The following CHST11 variants were observed in gnomAD, a reference collection of about 807,000 sequenced individuals.
The protein encoded by CHST11 is C4S-1.
In CHST11, 9 loss-of-function variants were observed where a neutral mutation model predicts 30.4. That is an observed-to-expected ratio of 0.30 (90% CI 0.18 to 0.52). The LOEUF (loss-of-function observed/expected upper bound fraction) is 0.52, where lower values mean the gene tolerates loss of function less well. CHST11 is among the 20% of genes least tolerant of loss of function. The pLI is 0.97. For synonymous variants in CHST11, 152 were observed against 187.8 expected, an observed-to-expected ratio of 0.81 and a Z score of 1.56; for missense variants, 348 against 460.6, an observed-to-expected ratio of 0.76 and a Z score of 2.24.
At position 104,757,241 on chromosome 12, in the gene CHST11, A is replaced by T. The variant is rs1210277340; in HGVS notation, c.497A>T (p.Gln166Leu). 2.5e-6 allele frequency: 4 copies of T among 1,614,036 alleles called. No homozygotes were observed. In the African/African-American group the frequency reaches 4.0e-5, roughly 16 times the overall value. ...TCCGCCAACCTGAAGACCCTGAACC[A>T]GTACAGCATCCCAGAAATCAACCAC... is the stretch of plus-strand genomic sequence containing the variant. ...HVSANLKTLN[Q>L]YSIPEINHRL... Residue 166 changes from glutamine (Q) to leucine (L), a missense_variant, in exon 3 of 3, where the codon CAG becomes CTG. Transcript: ENST00000303694. The surrounding 1 kb of genome is among the most constrained non-coding windows in gnomAD (Gnocchi z 6.5).
intron 2 of CHST11, among the ~76,000 whole-genome samples, chr12:104,637,349 G>T (rs917620689): frequency 9.1e-6 from 1 of 110,236 alleles, no homozygotes; most frequent in Middle Eastern, 4.8e-3. Context: ...GGTTGGGGGA[G>T]GGGGGAGGGA....
chr12:104,757,472 A>G lies in CHST11; in HGVS notation c.728A>G (p.Tyr243Cys). ...DDVKFEEFVA[Y>C]LIDPHTQREE... Reference sequence around the variant, plus strand: ...GTCAAATTCGAGGAGTTTGTGGCCTATCTCATCGACCCACACACCCAGCGG... The same window carrying G: ...GTCAAATTCGAGGAGTTTGTGGCCTGTCTCATCGACCCACACACCCAGCGG... The change falls in exon 3 of 3, where the codon TAT (tyrosine) becomes TGT (cysteine). Residue 243 changes from tyrosine (Y) to cysteine (C), a missense_variant. By Grantham distance (194) the Tyr-to-Cys change is radical. Coordinates refer to ENST00000303694, the MANE Select transcript of CHST11 (RefSeq NM_018413.6). This position sits in a 1 kb window ranked among gnomAD's most constrained non-coding sequence, Gnocchi z 6.5. 2 of 1,614,064 alleles carry G rather than the reference A, an allele frequency of 1.2e-6. No homozygotes were observed. The highest frequency in any genetic ancestry group is 1.3e-5 in the African/African-American group (1 of 74,988).
chr12:104,669,007 T>G (rs1592828288), intron 2 of CHST11, among the ~76,000 whole-genome samples: 1 of 152,150 alleles, frequency 6.6e-6, no homozygotes, highest in East Asian at 1.9e-4. Flanking sequence ...AGAAGCCACA[T>G]TAGCCCTGAC....
intron 2 of CHST11, among the ~76,000 whole-genome samples, chr12:104,714,370 A>G (rs2040112067): frequency 6.6e-6 from 1 of 152,108 alleles, no homozygotes; most frequent in Non-Finnish European, 1.5e-5. Context: ...CTTACCTGCT[A>G]GTAGAGGACC....
intron 2 of CHST11, among the ~76,000 whole-genome samples, chr12:104,611,823 G>C (rs1328026325): frequency 6.6e-6 from 1 of 152,206 alleles, no homozygotes; most frequent in African/African-American, 2.4e-5. Flanking sequence ...AAACATATCA[G>C]TCATTATATC....
At chr12:104,575,515 C>T (rs1426459981) in intron 1 of CHST11, among the ~76,000 whole-genome samples, 12 of 152,104 alleles carry the variant, frequency 7.9e-5, no homozygotes, top group Non-Finnish European at 1.6e-4. Context: ...TGTGATAATC[C>T]GGGTGAAGGG....
intron 2 of CHST11, among the ~76,000 whole-genome samples, chr12:104,715,001 G>A (rs1040322132): frequency 5.3e-5 from 8 of 152,340 alleles, no homozygotes; most frequent in Middle Eastern, 6.8e-3. Flanking sequence ...ACCTGGATGC[G>A]AACCCTTGAC....
intron 1 of CHST11, among the ~76,000 whole-genome samples, chr12:104,547,108 A>T (rs1461010268): frequency 6.6e-6 from 1 of 152,194 alleles, no homozygotes; most frequent in East Asian, 1.9e-4. Context: ...AAGGAATACG[A>T]GTTTATAGTG....
At chr12:104,605,679 C>A (rs2038998471) in intron 2 of CHST11, among the ~76,000 whole-genome samples, 2 of 152,202 alleles carry the variant, frequency 1.3e-5, no homozygotes, top group Admixed American at 1.3e-4. Context: ...GTTTCCTTGG[C>A]CCCAAAATAA....
rs1246020444 is a variant in CHST11 at position 104,761,917 on chromosome 12, A to C, written c.*4114A>C. 6.6e-6 allele frequency: 1 copy of C among 152,276 alleles called. No individual in the cohort carries two copies. The highest frequency in any genetic ancestry group is 1.9e-4 in the East Asian group (1 of 5,206). The allele number at this position is 152,276 out of a possible 1,614,324, so 9.4% of individuals were successfully genotyped here. On this transcript the variant is annotated 3_prime_UTR_variant, in exon 3 of 3. Coordinates refer to ENST00000303694, the MANE Select transcript of CHST11 (RefSeq NM_018413.6). ...AAGAAAGCTGAATTCCACATTGCCA[A>C]CAAAAGCGTGAAAATGTTCATGAAC...
intron 1 of CHST11, among the ~76,000 whole-genome samples, chr12:104,461,993 G>A (rs555718833): frequency 2.7e-4 from 41 of 151,418 alleles, no homozygotes; most frequent in African/African-American, 3.1e-4. Context: ...GTGAATCCCC[G>A]TCTCTACTAA....
At chr12:104,622,759 C>T (rs2039172323) in intron 2 of CHST11, among the ~76,000 whole-genome samples, 1 of 152,176 alleles carries the variant, frequency 6.6e-6, no homozygotes, top group African/African-American at 2.4e-5. Context: ...ACCTACCTCA[C>T]AGGTTTGTTG....
intron 1 of CHST11, among the ~76,000 whole-genome samples, chr12:104,491,209 C>T (rs559550783): frequency 6.6e-6 from 1 of 152,308 alleles, no homozygotes; most frequent in Non-Finnish European, 1.5e-5. Flanking sequence ...CCAGACATCT[C>T]CCTTCATCAC....
chr12:104,562,429 G>T (rs964298724), intron 1 of CHST11, among the ~76,000 whole-genome samples: 26 of 152,134 alleles, frequency 1.7e-4, no homozygotes, highest in Non-Finnish European at 3.7e-4. Flanking sequence ...ACTCTGGTAG[G>T]AAAAAGCGCA....
chr12:104,487,921 T>A (rs956524898), intron 1 of CHST11, among the ~76,000 whole-genome samples: 1 of 152,108 alleles, frequency 6.6e-6, no homozygotes, highest in African/African-American at 2.4e-5. Flanking sequence ...TTTATTTTTA[T>A]TTTTTGAGAC....
At chr12:104,597,941 A>G (rs2038922559) in intron 1 of CHST11, among the ~76,000 whole-genome samples, 1 of 152,180 alleles carries the variant, frequency 6.6e-6, no homozygotes, top group African/African-American at 2.4e-5. Flanking sequence ...ACCTCTTTCT[A>G]GTCATGAGAC....
rs1243123622 is a variant in CHST11 at position 104,729,977 on chromosome 12, G to A, written c.205-26972G>A. On this transcript the variant is annotated intron_variant, in intron 2 of 2. Coordinates refer to ENST00000303694, the MANE Select transcript of CHST11 (RefSeq NM_018413.6). The surrounding 1 kb of genome is among the most constrained non-coding windows in gnomAD (Gnocchi z 4.0). ...CTGATCTCACCTGTCCCAGGACTTG[G>A]GGCTCTAAGTAGCATTACACTGGCT... is the stretch of plus-strand genomic sequence containing the variant. Among the ~76,000 whole-genome samples the A allele has an allele frequency of 6.6e-6, 1 of 152,166 alleles. No homozygotes were observed. Among genetic ancestry groups the A allele is most frequent in the African/African-American group, 2.4e-5 (1 of 41,430 alleles).
intron 1 of CHST11, among the ~76,000 whole-genome samples, chr12:104,513,658 A>G (rs1294767096): frequency 6.6e-6 from 1 of 152,116 alleles, no homozygotes; most frequent in Non-Finnish European, 1.5e-5. Context: ...GTGCCATAAG[A>G]TGGATGAGGC....
intron 1 of CHST11, among the ~76,000 whole-genome samples, chr12:104,575,053 C>T (rs549921764): frequency 1.3e-5 from 2 of 151,880 alleles, no homozygotes; most frequent in African/African-American, 4.8e-5. Context: ...AATGAGCCGG[C>T]GTGGTGGCAT....
Sources: allele counts gnomAD v4.1 joint callset (sites outside exome capture counted in the v4.1 genomes callset), GRCh38; gene constraint gnomAD v4.1.1; non-coding constraint Gnocchi (gnomAD v3.1); transcripts MANE v1.5; gene names NCBI Gene and HGNC (gene_info 2026-07-23, HGNC 2026-07-21).